B3GALNT2: variants seen among roughly 807,000 people sequenced by gnomAD.
B3GALNT2 encodes beta-1,3-N-acetylgalactosaminyltransferase 2.
B3GALNT2 carries 53 observed loss-of-function variants against 61.1 expected under a neutral mutation model. The ratio of observed to expected loss-of-function variants is 0.87; its 90% CI spans 0.70 to 1.09. B3GALNT2 has a LOEUF of 1.09. B3GALNT2 is among the 50% of genes least tolerant of loss of function. The pLI, the probability that B3GALNT2 is intolerant of heterozygous loss-of-function variation, is 0.00. For synonymous variants in B3GALNT2, 223 were observed against 237.4 expected, an observed-to-expected ratio of 0.94 and a Z score of 0.56; for missense variants, 544 against 623.0, an observed-to-expected ratio of 0.87 and a Z score of 1.35.
At chr1:235,489,352 A>G (rs1395363141) in intron 2 of B3GALNT2, 84 bp from the exon 3 acceptor site, 1 of 1,564,236 alleles carries the variant, frequency 6.4e-7, no homozygotes. Context: ...CAGAGCTTTT[A>G]CTTTGAGACA....
At chr1:235,498,304 GA>G (rs1364583619) in intron 1 of B3GALNT2, among the ~76,000 whole-genome samples, 11 of 152,080 alleles carry the variant, frequency 7.2e-5, no homozygotes, top group African/African-American at 2.4e-4. Flanking sequence ...TCTAGAAACA[GA>G]GGGAAAAAAA....
At chr1:235,494,114 A>G (rs936484802) in intron 2 of B3GALNT2, among the ~76,000 whole-genome samples, 6 of 152,226 alleles carry the variant, frequency 3.9e-5, no homozygotes, top group African/African-American at 1.4e-4. Flanking sequence ...ACTAAAAAAT[A>G]CTACAAAACT....
In B3GALNT2 at chr1:235,474,983, A is replaced by AT. The variant is rs1558425497; in HGVS notation, c.652-4024dup. 6.7e-4 allele frequency among the ~76,000 whole-genome samples: 26 copies of AT among 39,008 alleles called. 1 individual carries two copies. Among genetic ancestry groups the AT allele is most frequent in the Admixed American group, 8.2e-4 (2 of 2,444 alleles). 25.6% of individuals were successfully genotyped at this position (39,008 alleles called of 152,430 possible). A position where few individuals can be genotyped will look rare whatever the true frequency, so the allele number is the denominator to read the frequency against. ...TATATATATATATATATATATATAT[A>AT]TATATTTTTTTTTTTTTTTTTTTTT... On this transcript the variant is annotated intron_variant, in intron 5 of 11. Coordinates refer to ENST00000366600, the MANE Select transcript of B3GALNT2 (RefSeq NM_152490.5).
intron 6 of B3GALNT2, 61 bp from the exon 7 acceptor site, chr1:235,465,775 A>T (rs570077851): frequency 6.3e-7 from 1 of 1,586,252 alleles, no homozygotes; most frequent in Admixed American, 1.8e-5. Context: ...TCATATTTTA[A>T]AATCGATTTG....
At chr1:235,445,532 C>T (rs564249277), downstream of B3GALNT2, among the ~76,000 whole-genome samples, 25 of 152,028 alleles carry the variant, frequency 1.6e-4, no homozygotes, top group African/African-American at 6.0e-4. Flanking sequence ...GCTGCTTGGG[C>T]GGCTGAGGTG....
Position 235,450,136 on chromosome 1 carries a change from A to C in B3GALNT2, c.*70T>G. On this transcript the variant is annotated 3_prime_UTR_variant, in exon 12 of 12. Coordinates refer to ENST00000366600, the MANE Select transcript of B3GALNT2 (RefSeq NM_152490.5). ...ATACAGTCTACTGCTAAACCCTGGGACTCCTCAGACTTGCACTCAGATTAT... is the reference window on the plus strand; with the variant it reads ...ATACAGTCTACTGCTAAACCCTGGGCCTCCTCAGACTTGCACTCAGATTAT... The C allele has an allele frequency of 6.4e-7, 1 of 1,568,172 alleles. No individual in the cohort carries two copies. Among genetic ancestry groups the C allele is most frequent in the Non-Finnish European group, 8.8e-7 (1 of 1,141,302 alleles).
At position 235,494,665 on chromosome 1, in the gene B3GALNT2, A is replaced by G; in HGVS notation, c.260+16T>C. Reference sequence around the variant, plus strand: ...ATTTCAATAAACCAGGCAAGGCAACAACTCAGAAAACCTACCGTTGACTTA... The same window carrying G: ...ATTTCAATAAACCAGGCAAGGCAACGACTCAGAAAACCTACCGTTGACTTA... On this transcript the variant is annotated intron_variant, in intron 2 of 11. Coordinates refer to ENST00000366600, the MANE Select transcript of B3GALNT2 (RefSeq NM_152490.5). The G allele has an allele frequency of 6.2e-7, 1 of 1,606,130 alleles. No individual in the cohort carries two copies. The highest frequency in any genetic ancestry group is 1.1e-5 in the South Asian group (1 of 90,494).
intron 11 of B3GALNT2, 142 bp from the exon 12 acceptor site, chr1:235,450,482 G>A (rs564556538): frequency 1.9e-6 from 2 of 1,068,574 alleles, no homozygotes; most frequent in South Asian, 1.6e-5. Flanking sequence ...AACAACTGGT[G>A]AGGTTTGGGG....
At chr1:235,478,169 C>T (rs1266347052) in intron 5 of B3GALNT2, among the ~76,000 whole-genome samples, 2 of 152,202 alleles carry the variant, frequency 1.3e-5, no homozygotes, top group Non-Finnish European at 2.9e-5. Context: ...ACTCCTGCCT[C>T]AGCCTCCCGA....
At chr1:235,457,036 G>A (rs1310409830) in intron 8 of B3GALNT2, among the ~76,000 whole-genome samples, 1 of 152,102 alleles carries the variant, frequency 6.6e-6, no homozygotes, top group Non-Finnish European at 1.5e-5. Context: ...GGCCAGGTGT[G>A]GTGGCTCACG....
chr1:235,444,605 A>C (rs1034362746), downstream of B3GALNT2, among the ~76,000 whole-genome samples: 2 of 152,212 alleles, frequency 1.3e-5, no homozygotes, highest in African/African-American at 2.4e-5. Context: ...AAGCCTCGCT[A>C]TGTTGCTAAG....
chr1:235,499,593 G>A (rs989008695), intron 1 of B3GALNT2, among the ~76,000 whole-genome samples: 1 of 152,104 alleles, frequency 6.6e-6, no homozygotes, highest in Non-Finnish European at 1.5e-5. Flanking sequence ...CTGAAGGTTC[G>A]GTGAAAATCA....
At chr1:235,495,375 G>GT (rs1685269088) in intron 1 of B3GALNT2, among the ~76,000 whole-genome samples, 1 of 152,134 alleles carries the variant, frequency 6.6e-6, no homozygotes, top group African/African-American at 2.4e-5. Context: ...GAAAAGTGAG[G>GT]TCCTACATTA....
At chr1:235,442,755 A>C, downstream of B3GALNT2, 18 of 1,143,252 alleles carry the variant, frequency 1.6e-5, no homozygotes, top group Non-Finnish European at 1.9e-5. Context: ...TTTGCACTGA[A>C]TACCTCTATC....
At chr1:235,478,502 A>G (rs1684401392) in intron 5 of B3GALNT2, among the ~76,000 whole-genome samples, 1 of 152,252 alleles carries the variant, frequency 6.6e-6, no homozygotes, top group South Asian at 2.1e-4. Context: ...ACAAATTGCT[A>G]AACTCCCCTC....
intron 1 of B3GALNT2, chr1:235,496,274 G>A: frequency 1.9e-6 from 1 of 528,626 alleles, no homozygotes; most frequent in Non-Finnish European, 2.7e-6. Flanking sequence ...CCGCGCCATT[G>A]CACTCCAGCC....
At chr1:235,465,021 C>T (rs1683616715) in intron 7 of B3GALNT2, 1 of 152,170 alleles carries the variant, frequency 6.6e-6, no homozygotes, top group Admixed American at 6.5e-5. Context: ...CCTGGCAGTG[C>T]CTCAAGTGAT....
At chr1:235,443,011 A>G (rs1682000137), downstream of B3GALNT2, 2 of 1,167,354 alleles carry the variant, frequency 1.7e-6, no homozygotes, top group Admixed American at 1.9e-5. Context: ...CAAAGTGTGG[A>G]CCTCAGAACT....
intron 6 of B3GALNT2, among the ~76,000 whole-genome samples, 169 bp downstream of exon 6, chr1:235,470,679 TGA>T (rs1406985611): frequency 6.6e-6 from 1 of 152,166 alleles, no homozygotes; most frequent in African/African-American, 2.4e-5. Context: ...GGATCATATT[TGA>T]GTTTTTGCCT....
Sources: allele counts gnomAD v4.1 joint callset (sites outside exome capture counted in the v4.1 genomes callset), GRCh38; gene constraint gnomAD v4.1.1; transcripts MANE v1.5; gene names NCBI Gene and HGNC (gene_info 2026-07-23, HGNC 2026-07-21).